PFKFB3: variants seen among roughly 807,000 people sequenced by gnomAD.
PFKFB3 encodes the protein 6-phosphofructo-2-kinase/fructose-2,6-bisphosphatase 3.
PFKFB3 carries 33 observed loss-of-function variants against 68.0 expected under a neutral mutation model. That is an observed-to-expected ratio of 0.49 (90% CI 0.37 to 0.65). The LOEUF (loss-of-function observed/expected upper bound fraction) is 0.65, where lower values mean the gene tolerates loss of function less well. Among genes scored for constraint, PFKFB3 ranks in the 30% least tolerant of loss-of-function variants. The pLI, the probability that PFKFB3 is intolerant of heterozygous loss-of-function variation, is 0.00. For synonymous variants in PFKFB3, 315 were observed against 288.2 expected, an observed-to-expected ratio of 1.09 and a Z score of -0.94; for missense variants, 586 against 712.2, an observed-to-expected ratio of 0.82 and a Z score of 2.02.
chr10:6,219,808 A>G, intron 7 of PFKFB3, 115 bp downstream of exon 7: 1 of 1,137,520 alleles, frequency 8.8e-7, no homozygotes, highest in Non-Finnish European at 1.2e-6. Context: ...TTTTTAAGAC[A>G]GTTTTTTTTG....
chr10:6,316,083 CTG>C, the PFKFB3 span, among the ~76,000 whole-genome samples: 1 of 152,142 alleles, frequency 6.6e-6, no homozygotes. Context: ...GAGATTAAAA[CTG>C]AGTATTCTTT....
intron 14 of PFKFB3, among the ~76,000 whole-genome samples, chr10:6,244,212 G>A (rs1168277742): frequency 6.6e-6 from 1 of 152,148 alleles, no homozygotes. Context: ...CCTTAACTCA[G>A]CTGTTTGGAT....
chr10:6,309,283 G>A, the PFKFB3 span, among the ~76,000 whole-genome samples: 14 of 151,930 alleles, frequency 9.2e-5, no homozygotes, highest in Non-Finnish European at 1.0e-4. Flanking sequence ...TAATTTTTTC[G>A]CTGGGCGTGG....
At chr10:6,265,888 AT>A in the PFKFB3 span, among the ~76,000 whole-genome samples, 15,290 of 144,850 alleles carry the variant, frequency 0.11, 961 homozygotes, top group East Asian at 0.19. Flanking sequence ...CTTGTCCTTC[AT>A]TTTTTTTTTT....
chr10:6,291,555 C>CAAA, the PFKFB3 span, among the ~76,000 whole-genome samples: 33 of 59,144 alleles, frequency 5.6e-4, no homozygotes, highest in African/African-American at 1.7e-3. Context: ...GACTCTGTCT[C>CAAA]AAAAAAAAAA....
the PFKFB3 span, among the ~76,000 whole-genome samples, chr10:6,316,884 C>T: frequency 6.6e-6 from 1 of 152,198 alleles, no homozygotes; most frequent in Non-Finnish European, 1.5e-5. Flanking sequence ...AGGTCTGCAT[C>T]ATGGTGTGAC....
the PFKFB3 span, among the ~76,000 whole-genome samples, chr10:6,301,124 C>T: frequency 1.3e-5 from 2 of 152,140 alleles, no homozygotes; most frequent in Non-Finnish European, 2.9e-5. Flanking sequence ...ATATCTTGCT[C>T]TGTGTGCCTT....
At chr10:6,200,625 C>G (rs1479361720), upstream of PFKFB3, among the ~76,000 whole-genome samples, 1 of 143,290 alleles carries the variant, frequency 7.0e-6, no homozygotes, top group Non-Finnish European at 1.5e-5. Flanking sequence ...TCCTTGCTCC[C>G]ACGCACTCCC....
In PFKFB3 at chr10:6,219,625, C is replaced by T. The variant is rs545085751; in HGVS notation, c.555C>T (p.Asp185=). 4.5e-5 allele frequency: 73 copies of T among 1,613,810 alleles called. No homozygotes were observed. The highest frequency in any genetic ancestry group is 4.0e-4 in the East Asian group (18 of 44,886). ...YKDCNSAEAM[D]DFMKRISCYE... ...ACTGCAACTCGGCAGAAGCCATGGA[C>T]GACTTCATGAAGAGGATCAGTTGCT... The change falls in exon 7 of 15, where the codon GAC becomes GAT. Residue 185 remains aspartate, a synonymous_variant. Coordinates refer to ENST00000379775, the MANE Select transcript of PFKFB3 (RefSeq NM_004566.4).
At chr10:6,268,130 G>A in the PFKFB3 span, among the ~76,000 whole-genome samples, 2 of 152,040 alleles carry the variant, frequency 1.3e-5, no homozygotes, top group Non-Finnish European at 2.9e-5. Flanking sequence ...CCATGGTCTG[G>A]AAGCCACAGG....
At chr10:6,189,311 T>C (rs1842964508) in intron 1 of PFKFB3, among the ~76,000 whole-genome samples, 1 of 152,226 alleles carries the variant, frequency 6.6e-6, no homozygotes, top group Non-Finnish European at 1.5e-5. Flanking sequence ...ACTTATTTTT[T>C]AGAATATCCC....
At chr10:6,247,097 A>G (rs1588567056) in intron 14 of PFKFB3, among the ~76,000 whole-genome samples, 1 of 152,252 alleles carries the variant, frequency 6.6e-6, no homozygotes, top group Non-Finnish European at 1.5e-5. Flanking sequence ...CACTGGAAGC[A>G]GAAGCAAGAT....
intron 13 of PFKFB3, chr10:6,224,611 G>A: frequency 2.6e-6 from 1 of 388,874 alleles, no homozygotes; most frequent in Non-Finnish European, 5.1e-6. Context: ...CTCCCGCGTA[G>A]CTGAGACTAC....
At chr10:6,265,745 T>G in the PFKFB3 span, among the ~76,000 whole-genome samples, 1 of 152,226 alleles carries the variant, frequency 6.6e-6, no homozygotes, top group African/African-American at 2.4e-5. Flanking sequence ...AATTTCTTTT[T>G]AAGTTTAGCT....
chr10:6,233,682 G>A lies in PFKFB3; in HGVS notation c.*740G>A, dbSNP rs1845877514. On this transcript the variant is annotated 3_prime_UTR_variant, in exon 15 of 15. Transcript: ENST00000379775. ...GCCTCCTGCTCCCAGGGAGCTCCAG[G>A]GCCCCTCTCTCCTCCCACCTGGACT... 2 of 152,848 alleles carry A rather than the reference G, an allele frequency of 1.3e-5. No homozygotes were observed. The highest frequency in any genetic ancestry group is 1.3e-4 in the Admixed American group (2 of 15,292). 9.5% of individuals were successfully genotyped at this position (152,848 alleles called of 1,614,324 possible).
intron 10 of PFKFB3, among the ~76,000 whole-genome samples, chr10:6,222,337 T>G (rs1845023250): frequency 6.6e-6 from 1 of 152,230 alleles, no homozygotes; most frequent in Admixed American, 6.5e-5. Flanking sequence ...TTTTACATTT[T>G]TAAATTGATA....
intron 13 of PFKFB3, among the ~76,000 whole-genome samples, chr10:6,225,538 C>A (rs1191436293): frequency 6.6e-6 from 1 of 152,226 alleles, no homozygotes; most frequent in Non-Finnish European, 1.5e-5. Context: ...GGGGCAGGGC[C>A]ATGATGGAGA....
the PFKFB3 span, among the ~76,000 whole-genome samples, chr10:6,264,234 T>C: frequency 6.6e-6 from 1 of 152,214 alleles, no homozygotes; most frequent in Non-Finnish European, 1.5e-5. Flanking sequence ...AATATCACAC[T>C]CCCTTAATGT....
intron 1 of PFKFB3, among the ~76,000 whole-genome samples, chr10:6,211,516 C>G (rs1307030085): frequency 6.6e-6 from 1 of 152,150 alleles, no homozygotes; most frequent in Non-Finnish European, 1.5e-5. Flanking sequence ...TGCTACTTTC[C>G]TGATATGGCA....
Sources: allele counts gnomAD v4.1 joint callset (sites outside exome capture counted in the v4.1 genomes callset), GRCh38; gene constraint gnomAD v4.1.1; transcripts MANE v1.5; gene names NCBI Gene and HGNC (gene_info 2026-07-23, HGNC 2026-07-21).